Variants in EHBP1 observed in about 807,000 individuals in gnomAD.
EHBP1 encodes the protein EH domain binding protein 1, also known as EH domain-binding protein 1.
Under a neutral mutation model 144.0 loss-of-function variants are expected in EHBP1, and 55 were observed. The observed-to-expected ratio is 0.38, with a 90% confidence interval of 0.31 to 0.48. The LOEUF (loss-of-function observed/expected upper bound fraction) is 0.48. Ranked by LOEUF, EHBP1 falls within the 20% of genes least tolerant of loss-of-function variation. The pLI, the probability that EHBP1 is intolerant of heterozygous loss-of-function variation, is 0.98. For missense variants in EHBP1, 1,200 were observed against 1,364.2 expected (o/e 0.88, Z 1.90); for synonymous variants, 469 against 472.7 (o/e 0.99, Z 0.10).
chr2:63,042,936 TGG>T (rs2061732229), intron 21 of EHBP1, among the ~76,000 whole-genome samples: 1 of 152,058 alleles, frequency 6.6e-6, no homozygotes, highest in African/African-American at 2.4e-5. Flanking sequence ...GTTAGCAAAA[TGG>T]TTTCGAAGTA....
Position 62,948,293 on chromosome 2 carries a change from C to A in EHBP1, c.1447C>A (p.Arg483=). ...YDGFASIGIS[R]LLEPSDMVLL... ...TGGATTTGCCAGCATAGGAATTTCC[C>A]GATTATTGGAACCTTCTGATATGGT... Residue 483 remains arginine, a synonymous_variant, in exon 13 of 23, where the codon CGA becomes AGA. Coordinates refer to ENST00000431489, the MANE Select transcript of EHBP1 (RefSeq NM_001142616.3). 2 of 1,582,372 alleles carry A rather than the reference C, an allele frequency of 1.3e-6. No individual in the cohort carries two copies. Among genetic ancestry groups the A allele is most frequent in the East Asian group, 2.2e-5 (1 of 44,462 alleles).
chr2:62,729,423 TAATATAATA>T (rs1253118951), intron 2 of EHBP1, among the ~76,000 whole-genome samples: 1 of 93,278 alleles, frequency 1.1e-5, no homozygotes, highest in African/African-American at 4.3e-5. Flanking sequence ...AATAATAATA[TAATATAATA>T]ATAATAAATA....
chr2:62,794,294 A>G (rs2043381759), intron 5 of EHBP1, among the ~76,000 whole-genome samples: 1 of 152,072 alleles, frequency 6.6e-6, no homozygotes. Context: ...CCTTAAATCA[A>G]AATAGGTGTT....
At chr2:62,714,796 C>A (rs2035505037) in intron 2 of EHBP1, among the ~76,000 whole-genome samples, 1 of 152,052 alleles carries the variant, frequency 6.6e-6, no homozygotes, top group East Asian at 1.9e-4. Flanking sequence ...GAAAGATGAA[C>A]TAGCATAGGT....
chr2:62,772,932 T>C (rs1343683898), intron 5 of EHBP1, among the ~76,000 whole-genome samples: 3 of 152,204 alleles, frequency 2.0e-5, no homozygotes, highest in African/African-American at 7.2e-5. Context: ...ATCAGGTCCA[T>C]TATAGATTTA....
chr2:62,709,568 A>G (rs1490330433), intron 2 of EHBP1, among the ~76,000 whole-genome samples: 1 of 152,124 alleles, frequency 6.6e-6, no homozygotes, highest in African/African-American at 2.4e-5. Flanking sequence ...AATTTAAGTT[A>G]TTGCTAATGT....
At chr2:62,846,437 T>C (rs1351217060) in intron 7 of EHBP1, among the ~76,000 whole-genome samples, 2 of 152,162 alleles carry the variant, frequency 1.3e-5, no homozygotes, top group African/African-American at 2.4e-5. Flanking sequence ...AAAGGAACAT[T>C]TGACAAAATT....
Position 62,895,026 on chromosome 2 carries a change from C to T in EHBP1, c.1185+20494C>T, listed in dbSNP as rs140476812. 3.2e-3 allele frequency among the ~76,000 whole-genome samples: 490 copies of T among 151,940 alleles called. 6 individuals carry two copies. The highest frequency in any genetic ancestry group is 0.011 in the African/African-American group (443 of 41,416). On this transcript the variant is annotated intron_variant, in intron 10 of 22. Transcript: ENST00000431489. ...TACAGCTATGTATTTGAAAACTGTA[C>T]GGATGAATCTCAAATGCATTATTCA...
chr2:62,939,907 C>G (rs2056637594), intron 10 of EHBP1: 1 of 200,078 alleles, frequency 5.0e-6, no homozygotes, highest in Admixed American at 5.5e-5. Flanking sequence ...TTGGCTCTCT[C>G]CAAGGAACAT....
At chr2:62,830,163 C>CACACAT (rs1184021817) in intron 6 of EHBP1, among the ~76,000 whole-genome samples, 3 of 66,310 alleles carry the variant, frequency 4.5e-5, no homozygotes, top group Non-Finnish European at 7.0e-5. Context: ...GACACACACA[C>CACACAT]ACACACACAC....
At chr2:62,696,164 C>CTCTTTCTT (rs70962789) in intron 1 of EHBP1, among the ~76,000 whole-genome samples, 2 of 135,556 alleles carry the variant, frequency 1.5e-5, no homozygotes, top group Non-Finnish European at 3.1e-5. Flanking sequence ...CTCTCTCTCT[C>CTCTTTCTT]TCTTTCTTTC....
At chr2:62,744,025 ATCTT>A (rs1174716996) in intron 2 of EHBP1, among the ~76,000 whole-genome samples, 3 of 152,090 alleles carry the variant, frequency 2.0e-5, no homozygotes, top group Non-Finnish European at 4.4e-5. Flanking sequence ...AAGGTGTTAA[ATCTT>A]TATTTTTAAA....
intron 10 of EHBP1, among the ~76,000 whole-genome samples, chr2:62,926,806 C>T (rs879388104): frequency 2.0e-5 from 3 of 152,058 alleles, no homozygotes; most frequent in Non-Finnish European, 2.9e-5. Flanking sequence ...ATAAATAGAA[C>T]TACCATATGA....
intron 3 of EHBP1, among the ~76,000 whole-genome samples, chr2:62,759,653 C>G (rs1201056325): frequency 1.3e-5 from 2 of 152,132 alleles, no homozygotes; most frequent in Non-Finnish European, 2.9e-5. Flanking sequence ...GATCACCTGC[C>G]TCAGCCTCTC....
chr2:62,896,049 A>G (rs778994866), intron 10 of EHBP1, among the ~76,000 whole-genome samples: 1 of 152,230 alleles, frequency 6.6e-6, no homozygotes, highest in Non-Finnish European at 1.5e-5. Flanking sequence ...GACACTGGAT[A>G]TAATAGACAC....
chr2:62,950,321 G>A (rs2057308833), intron 13 of EHBP1, among the ~76,000 whole-genome samples: 2 of 152,224 alleles, frequency 1.3e-5, no homozygotes, highest in South Asian at 4.2e-4. Context: ...TCTCACAAGA[G>A]TATGATGGCA....
At chr2:62,859,145 A>G (rs2152792398) in intron 7 of EHBP1, 24 bp from the exon 8 acceptor site, 2 of 1,599,706 alleles carry the variant, frequency 1.3e-6, no homozygotes, top group East Asian at 2.2e-5. Context: ...ATAATAGGGA[A>G]CTAACCCATA....
intron 15 of EHBP1, among the ~76,000 whole-genome samples, chr2:62,982,438 A>G (rs561813360): frequency 1.3e-5 from 2 of 152,310 alleles, no homozygotes; most frequent in African/African-American, 2.4e-5. Flanking sequence ...TCACCCTTGC[A>G]TAGCAAATTC....
chr2:62,742,309 A>G (rs1412018428), intron 2 of EHBP1, among the ~76,000 whole-genome samples: 1 of 152,124 alleles, frequency 6.6e-6, no homozygotes, highest in East Asian at 1.9e-4. Flanking sequence ...AAGGGACTTG[A>G]ACATCCTTAG....
Sources: allele counts gnomAD v4.1 joint callset (sites outside exome capture counted in the v4.1 genomes callset), GRCh38; gene constraint gnomAD v4.1.1; transcripts MANE v1.5; gene names NCBI Gene and HGNC (gene_info 2026-07-23, HGNC 2026-07-21).